COL4A5: variants seen among roughly 807,000 people sequenced by gnomAD.
The protein encoded by COL4A5 is collagen alpha-5(IV) chain.
A neutral mutation model predicts 130.2 loss-of-function variants in COL4A5; 26 were observed. The ratio of observed to expected loss-of-function variants is 0.20; its 90% CI spans 0.15 to 0.28. The LOEUF (loss-of-function observed/expected upper bound fraction) is 0.28. COL4A5 is among the 10% of genes least tolerant of loss of function. The probability of loss-of-function intolerance (pLI) is 1.00; values close to 1 mark genes in which losing one functional copy is unlikely to be tolerated. For missense variants in COL4A5, 1,131 were observed against 1,344.3 expected (o/e 0.84, Z 2.48); for synonymous variants, 496 against 439.6 (o/e 1.13, Z -1.60).
chrX:108,667,293 C>T (rs1385996572), intron 40 of COL4A5, 110 bp downstream of exon 40: 2 of 719,844 alleles, frequency 2.8e-6, no homozygotes, highest in Admixed American at 2.7e-5. Context: ...CATGTAAGAA[C>T]CCAGAAAACT....
intron 1 of COL4A5, among the ~76,000 whole-genome samples, chrX:108,531,103 T>G (rs775935029): frequency 6.8e-4 from 70 of 103,046 alleles, no homozygotes; most frequent in South Asian, 1.9e-3. Context: ...GTAAACTATC[T>G]CAAGGACAAA....
At chrX:108,607,229 T>C (rs1241182590) in intron 29 of COL4A5, among the ~76,000 whole-genome samples, 2 of 107,498 alleles carry the variant, frequency 1.9e-5, no homozygotes, top group African/African-American at 6.8e-5. Context: ...TAGCCGGGCA[T>C]GGTGGCACAT....
chrX:108,688,307 G>A (rs1285333885), intron 49 of COL4A5, among the ~76,000 whole-genome samples: 1 of 111,400 alleles, frequency 9.0e-6, no homozygotes, highest in African/African-American at 3.3e-5. Flanking sequence ...CTAGGTTGAT[G>A]GGATGAGGGG....
intron 36 of COL4A5, among the ~76,000 whole-genome samples, chrX:108,629,188 G>A (rs761808563): frequency 9.0e-6 from 1 of 111,442 alleles, no homozygotes; most frequent in South Asian, 3.8e-4. Flanking sequence ...AAACAAAGTA[G>A]GAGATGAGAT....
At chrX:108,542,752 C>T (rs2065568184) in intron 2 of COL4A5, among the ~76,000 whole-genome samples, 1 of 104,766 alleles carries the variant, frequency 9.5e-6, no homozygotes, top group Non-Finnish European at 1.9e-5. Context: ...TATTTCTCCA[C>T]ATCCTCTCCA....
intron 42 of COL4A5, 40 bp downstream of exon 42, chrX:108,670,276 T>C: frequency 8.3e-7 from 1 of 1,208,699 alleles, no homozygotes; most frequent in Non-Finnish European, 1.1e-6. Flanking sequence ...GCATGAAGTT[T>C]GAAACTTATA....
At chrX:108,502,855 T>C (rs2065094334) in intron 1 of COL4A5, among the ~76,000 whole-genome samples, 1 of 111,967 alleles carries the variant, frequency 8.9e-6, no homozygotes, top group Non-Finnish European at 1.9e-5. Flanking sequence ...GGACTTTTTA[T>C]GGTTTTATCA....
In COL4A5 at chrX:108,624,199, A is replaced by G. The variant is rs1291497039; in HGVS notation, c.2918-37A>G. 20 of 1,072,519 alleles carry G rather than the reference A, an allele frequency of 1.9e-5. No homozygotes were observed. The Admixed American group carries it at 4.5e-4, about 24-fold the overall frequency. 88.4% of individuals were successfully genotyped at this position (1,072,519 alleles called of 1,213,427 possible). On this transcript the variant is annotated intron_variant, in intron 33 of 52. Coordinates refer to ENST00000328300, the MANE Select transcript of COL4A5 (RefSeq NM_033380.3). ...CAAAGTTATTTCATGGATGAATAAT[A>G]TCATCCTAACTTGCCTCTTCTACTC...
rs780893619 is a variant in COL4A5 at position 108,457,211 on chromosome X, A to G, written c.81+17005A>G. 2.0e-4 allele frequency among the ~76,000 whole-genome samples: 22 copies of G among 112,234 alleles called. No individual in the cohort carries two copies. In the South Asian group the frequency reaches 3.3e-3, roughly 17 times the overall value. ...AGACAAATGCTTTCATTTTCCTTGG[A>G]TAAATATCAAGGAATGGAATTGCTG... On this transcript the variant is annotated intron_variant, in intron 1 of 52. Coordinates refer to ENST00000328300, the MANE Select transcript of COL4A5 (RefSeq NM_033380.3).
intron 2 of COL4A5, among the ~76,000 whole-genome samples, chrX:108,547,872 A>G (rs1383500634): frequency 8.9e-6 from 1 of 111,893 alleles, no homozygotes; most frequent in African/African-American, 3.3e-5. Flanking sequence ...TGTGCTAGCA[A>G]TGAGCGAGGC....
chrX:108,459,847 A>G (rs1423874555), intron 1 of COL4A5, among the ~76,000 whole-genome samples: 5 of 112,426 alleles, frequency 4.4e-5, no homozygotes, highest in African/African-American at 1.6e-4. Flanking sequence ...GATCATTACC[A>G]TAGTTTTAAT....
At chrX:108,548,142 G>T (rs111421823) in intron 2 of COL4A5, among the ~76,000 whole-genome samples, 2 of 111,685 alleles carry the variant, frequency 1.8e-5, no homozygotes, top group Non-Finnish European at 3.8e-5. Flanking sequence ...ACAATCCCCA[G>T]TGAGGTGAAC....
At chrX:108,550,983 A>C (rs2065744579) in intron 2 of COL4A5, among the ~76,000 whole-genome samples, 1 of 111,770 alleles carries the variant, frequency 8.9e-6, no homozygotes, top group African/African-American at 3.2e-5. Context: ...CACCATATAC[A>C]AAAATTAACT....
intron 37 of COL4A5, among the ~76,000 whole-genome samples, chrX:108,659,405 C>G (rs1382671669): frequency 1.8e-5 from 2 of 110,860 alleles, no homozygotes; most frequent in South Asian, 3.7e-4. Context: ...TCCATTAGGT[C>G]AGGTTTGTTG....
At chrX:108,596,051 A>G (rs186966574) in intron 22 of COL4A5, among the ~76,000 whole-genome samples, 6 of 111,655 alleles carry the variant, frequency 5.4e-5, no homozygotes, top group African/African-American at 2.0e-4. Flanking sequence ...CTCTCTCTAT[A>G]TATAACACAT....
At chrX:108,581,900 T>G (rs907677128) in intron 16 of COL4A5, among the ~76,000 whole-genome samples, 1 of 110,273 alleles carries the variant, frequency 9.1e-6, no homozygotes, top group Non-Finnish European at 1.9e-5. Flanking sequence ...GAACATGTTT[T>G]TTCAGTAAAA....
intron 17 of COL4A5, among the ~76,000 whole-genome samples, chrX:108,583,195 C>T (rs1056587521): frequency 1.8e-5 from 2 of 112,141 alleles, no homozygotes; most frequent in African/African-American, 6.5e-5. Context: ...TGTGAAAAGT[C>T]ATTGCCTTTA....
intron 19 of COL4A5, among the ~76,000 whole-genome samples, chrX:108,587,203 A>G (rs1337275214): frequency 9.0e-6 from 1 of 111,206 alleles, no homozygotes; most frequent in Non-Finnish European, 1.9e-5. Context: ...GCTACCAAAC[A>G]CTGAAACTTA....
intron 1 of COL4A5, among the ~76,000 whole-genome samples, chrX:108,475,652 A>G (rs779959823): frequency 2.7e-5 from 3 of 110,942 alleles, no homozygotes; most frequent in Non-Finnish European, 5.7e-5. Context: ...TGTTGTCACA[A>G]CTGGGGGCTG....
Sources: allele counts gnomAD v4.1 joint callset (sites outside exome capture counted in the v4.1 genomes callset), GRCh38; gene constraint gnomAD v4.1.1; transcripts MANE v1.5; gene names NCBI Gene and HGNC (gene_info 2026-07-23, HGNC 2026-07-21).